The following CTBP2 variants were observed in gnomAD, a reference collection of about 807,000 sequenced individuals.
CTBP2 encodes the protein C-terminal binding protein 2.
A neutral mutation model predicts 80.3 loss-of-function variants in CTBP2; 30 were observed. That is an observed-to-expected ratio of 0.37 (90% CI 0.28 to 0.51). The LOEUF is 0.51. Ranked by LOEUF, CTBP2 falls within the 20% of genes least tolerant of loss-of-function variation. The pLI is 0.93. For missense variants in CTBP2, 1,212 were observed against 1,375.3 expected (o/e 0.88, Z 1.88); for synonymous variants, 594 against 587.4 (o/e 1.01, Z -0.16).
intron 1 of CTBP2, among the ~76,000 whole-genome samples, chr10:125,152,661 G>A (rs1208883741): frequency 1.3e-5 from 2 of 152,200 alleles, no homozygotes; most frequent in East Asian, 1.9e-4. Flanking sequence ...TGTGCATATT[G>A]GTATCTGTAC....
chr10:125,043,599 G>T (rs982920811), intron 2 of CTBP2, among the ~76,000 whole-genome samples: 1 of 151,890 alleles, frequency 6.6e-6, no homozygotes, highest in Admixed American at 6.6e-5. Flanking sequence ...CACCACGCCC[G>T]GCTACTTTTT....
At chr10:125,015,636 G>A (rs1445272777) in intron 1 of CTBP2, among the ~76,000 whole-genome samples, 3 of 152,364 alleles carry the variant, frequency 2.0e-5, no homozygotes, top group East Asian at 1.9e-4. Context: ...GCTGGCCTCA[G>A]TGCTCCCCGA....
chr10:125,049,482 G>A (rs1022973132), intron 2 of CTBP2, among the ~76,000 whole-genome samples: 2 of 152,184 alleles, frequency 1.3e-5, no homozygotes, highest in African/African-American at 4.8e-5. Context: ...TTCTCTTCAT[G>A]GCTCTGATGC....
intron 1 of CTBP2, among the ~76,000 whole-genome samples, chr10:125,010,033 C>T (rs1955690232): frequency 6.6e-6 from 1 of 152,174 alleles, no homozygotes; most frequent in Admixed American, 6.5e-5. Flanking sequence ...GTGTCCCCAG[C>T]AGCCGGGAAG....
At chr10:125,005,762 G>C in intron 1 of CTBP2, 1 of 1,612,924 alleles carries the variant, frequency 6.2e-7, no homozygotes, top group Non-Finnish European at 8.5e-7. Context: ...GCCCCTACTT[G>C]AGGTCTGAGC....
chr10:125,062,406 T>C (rs1965146978), intron 2 of CTBP2, among the ~76,000 whole-genome samples: 1 of 152,056 alleles, frequency 6.6e-6, no homozygotes, highest in South Asian at 2.1e-4. Flanking sequence ...TGAGGACATC[T>C]GCTTTTTTAA....
At chr10:125,013,692 G>A (rs1413429742) in intron 1 of CTBP2, among the ~76,000 whole-genome samples, 3 of 152,176 alleles carry the variant, frequency 2.0e-5, no homozygotes, top group Admixed American at 2.0e-4. Context: ...ACGGAGGCGG[G>A]GGGAACTTGC....
chr10:125,005,555 G>A (rs750984584), intron 1 of CTBP2: 14 of 1,610,296 alleles, frequency 8.7e-6, no homozygotes, highest in African/African-American at 6.7e-5. Flanking sequence ...ACCAGCCCAC[G>A]ACCTGTATGA....
chr10:125,058,748 G>A (rs1045642093), intron 2 of CTBP2, among the ~76,000 whole-genome samples: 26 of 152,266 alleles, frequency 1.7e-4, no homozygotes, highest in Admixed American at 1.4e-3. Context: ...ACAAAAATTA[G>A]CCAGGTGTGG....
chr10:125,073,669 G>C (rs887219731), intron 2 of CTBP2, among the ~76,000 whole-genome samples: 2 of 152,158 alleles, frequency 1.3e-5, no homozygotes, highest in Non-Finnish European at 2.9e-5. Flanking sequence ...ATTCATATAG[G>C]CATTTATACA....
chr10:125,085,766 C>T (rs17643549), intron 2 of CTBP2, among the ~76,000 whole-genome samples: 35,268 of 152,180 alleles, frequency 0.23, 4,492 homozygotes, highest in Middle Eastern at 0.29. Context: ...TGAGTTCACT[C>T]AAATGATCCC....
At chr10:125,118,785 G>A (rs1853808458) in intron 1 of CTBP2, among the ~76,000 whole-genome samples, 1 of 152,242 alleles carries the variant, frequency 6.6e-6, no homozygotes, top group Non-Finnish European at 1.5e-5. Flanking sequence ...CTGGCCCTGA[G>A]GTCCCCGCAA....
intron 1 of CTBP2, chr10:125,005,413 C>T: frequency 2.4e-6 from 2 of 834,780 alleles, no homozygotes; most frequent in Non-Finnish European, 3.7e-6. Context: ...ACTCCTGCTG[C>T]TGCCCCGACA....
chr10:125,043,796 A>G (rs1322606528), intron 2 of CTBP2, among the ~76,000 whole-genome samples: 1 of 152,198 alleles, frequency 6.6e-6, no homozygotes, highest in Admixed American at 6.5e-5. Flanking sequence ...AGCTGAAGGG[A>G]TTTATAGAGT....
At chr10:125,039,702 G>C (rs764378321) in intron 2 of CTBP2, among the ~76,000 whole-genome samples, 19 of 152,228 alleles carry the variant, frequency 1.2e-4, no homozygotes, top group Non-Finnish European at 2.1e-4. Flanking sequence ...TGAGAACGCG[G>C]GTGGGAAGCC....
chr10:125,141,039 G>C (rs1320323855), intron 1 of CTBP2, among the ~76,000 whole-genome samples: 1 of 151,518 alleles, frequency 6.6e-6, no homozygotes, highest in African/African-American at 2.4e-5. Flanking sequence ...TCGGGAGGCT[G>C]AGACAGGAGA....
chr10:124,996,044 C>CTTTTT (rs1953467020), intron 4 of CTBP2: 1 of 75,610 alleles, frequency 1.3e-5, no homozygotes, highest in African/African-American at 6.7e-5. Flanking sequence ...ACGGCTATTT[C>CTTTTT]TTTGTTTTTT....
chr10:125,050,136 TGAGG>T (rs1962363586), intron 2 of CTBP2, among the ~76,000 whole-genome samples: 1 of 152,206 alleles, frequency 6.6e-6, no homozygotes, highest in Non-Finnish European at 1.5e-5. Flanking sequence ...GTTTGCTTTA[TGAGG>T]GCAGATACTC....
intron 2 of CTBP2, among the ~76,000 whole-genome samples, chr10:125,101,085 T>G (rs1305578136): frequency 2.0e-5 from 3 of 152,252 alleles, no homozygotes; most frequent in Non-Finnish European, 1.5e-5. Flanking sequence ...TGGGCTCTGA[T>G]AATTCCAGCC....
Sources: allele counts gnomAD v4.1 joint callset (sites outside exome capture counted in the v4.1 genomes callset), GRCh38; gene constraint gnomAD v4.1.1; transcripts MANE v1.5; gene names NCBI Gene and HGNC (gene_info 2026-07-23, HGNC 2026-07-21).